Variants in BCAR3 observed in about 807,000 individuals in gnomAD.
The protein encoded by BCAR3 is BCAR3 adaptor protein, NSP family member.
Under a neutral mutation model 80.1 loss-of-function variants are expected in BCAR3, and 37 were observed. That is an observed-to-expected ratio of 0.46 (90% CI 0.36 to 0.61). BCAR3 has a LOEUF of 0.61. Ranked by LOEUF, BCAR3 falls within the 20% of genes least tolerant of loss-of-function variation. The pLI, the probability that BCAR3 is intolerant of heterozygous loss-of-function variation, is 0.00. For missense variants in BCAR3, 978 were observed against 1,068.2 expected (o/e 0.92, Z 1.18); for synonymous variants, 389 against 418.9 (o/e 0.93, Z 0.87).
intron 2 of BCAR3, among the ~76,000 whole-genome samples, chr1:93,706,722 A>G (rs933177150): frequency 2.0e-5 from 3 of 152,274 alleles, no homozygotes; most frequent in African/African-American, 7.2e-5. Flanking sequence ...CCTGGCACAT[A>G]GTAAGTGCTT....
chr1:93,573,379 G>C (rs1209375032), intron 8 of BCAR3, among the ~76,000 whole-genome samples: 1 of 144,904 alleles, frequency 6.9e-6, no homozygotes, highest in Non-Finnish European at 1.5e-5. Flanking sequence ...TGGGTAACTA[G>C]AGAGACTATC....
intron 2 of BCAR3, among the ~76,000 whole-genome samples, chr1:93,764,092 AG>A (rs1652056635): frequency 6.6e-6 from 1 of 152,102 alleles, no homozygotes; most frequent in Admixed American, 6.5e-5. Flanking sequence ...ATCTTAAGGC[AG>A]AACTGAAGGC....
intron 2 of BCAR3, among the ~76,000 whole-genome samples, chr1:93,828,288 G>C (rs188230193): frequency 5.9e-5 from 9 of 152,262 alleles, no homozygotes; most frequent in Non-Finnish European, 1.2e-4. Flanking sequence ...CTGGGCGACA[G>C]AGCAAGACCT....
chr1:93,746,820 G>A (rs1376090602), intron 2 of BCAR3, among the ~76,000 whole-genome samples: 1 of 152,102 alleles, frequency 6.6e-6, no homozygotes, highest in Non-Finnish European at 1.5e-5. Context: ...CCCTGAAAAT[G>A]CTCTCCCACA....
chr1:93,758,032 C>G (rs893731813), intron 2 of BCAR3, among the ~76,000 whole-genome samples: 5 of 152,080 alleles, frequency 3.3e-5, no homozygotes, highest in African/African-American at 9.7e-5. Context: ...AAAGGAGGAG[C>G]CCTTGGTACT....
intron 2 of BCAR3, among the ~76,000 whole-genome samples, chr1:93,790,644 T>C (rs1222913024): frequency 1.0e-5 from 1 of 98,250 alleles, no homozygotes; most frequent in East Asian, 3.9e-4. Flanking sequence ...ATTTTTTTTT[T>C]TTCTTAATTT....
At chr1:93,716,594 G>A (rs1198564205) in intron 2 of BCAR3, among the ~76,000 whole-genome samples, 1 of 152,218 alleles carries the variant, frequency 6.6e-6, no homozygotes, top group Admixed American at 6.5e-5. Context: ...TGAGGGAGCT[G>A]ATCCCCAGAG....
At position 93,798,880 on chromosome 1, in the gene BCAR3, T is replaced by A. The variant is rs531025430; in HGVS notation, c.-63+46687A>T. The stretch of plus-strand genomic sequence containing the variant: ...ATACAGCATACAGACTGTATGCTGT[T>A]CCATACAGTCATGAGGTAATCTCCT... On this transcript the variant is annotated intron_variant, in intron 2 of 13. Transcript: ENST00000370244. Among the ~76,000 whole-genome samples the A allele has an allele frequency of 9.2e-4, 140 of 152,250 alleles. 3 individuals carry two copies. The highest frequency in any genetic ancestry group is 3.2e-3 in the African/African-American group (135 of 41,556).
intron 2 of BCAR3, among the ~76,000 whole-genome samples, chr1:93,801,194 TG>T (rs34639536): frequency 0.14 from 21,515 of 152,216 alleles, 2,476 homozygotes; most frequent in African/African-American, 0.31. Context: ...CATCTTTAGA[TG>T]TTTCTGAGGC....
chr1:93,624,083 G>A (rs1045580730), intron 3 of BCAR3, among the ~76,000 whole-genome samples: 2 of 152,190 alleles, frequency 1.3e-5, no homozygotes, highest in Non-Finnish European at 2.9e-5. Context: ...GGAATGTACT[G>A]TGCCACTGGT....
At chr1:93,731,799 G>A (rs1029134558) in intron 2 of BCAR3, among the ~76,000 whole-genome samples, 4 of 152,154 alleles carry the variant, frequency 2.6e-5, no homozygotes, top group Non-Finnish European at 4.4e-5. Context: ...TCCTTTTCAG[G>A]CATAGTGCCC....
chr1:93,636,172 G>T (rs1283901794), intron 3 of BCAR3, among the ~76,000 whole-genome samples: 1 of 152,140 alleles, frequency 6.6e-6, no homozygotes, highest in African/African-American at 2.4e-5. Flanking sequence ...AATTTTCAGA[G>T]CATTGACCCC....
intron 2 of BCAR3, among the ~76,000 whole-genome samples, chr1:93,788,960 T>A (rs79307599): frequency 6.6e-6 from 1 of 152,042 alleles, no homozygotes; most frequent in African/African-American, 2.4e-5. Context: ...TGTTAAAATA[T>A]TCCCTCCCTT....
At chr1:93,743,078 T>G (rs926907682) in intron 2 of BCAR3, among the ~76,000 whole-genome samples, 1 of 152,230 alleles carries the variant, frequency 6.6e-6, no homozygotes, top group African/African-American at 2.4e-5. Context: ...ATTCTTTATA[T>G]AGGTTAATAA....
chr1:93,704,031 T>C (rs988208349), intron 3 of BCAR3, among the ~76,000 whole-genome samples: 30 of 152,248 alleles, frequency 2.0e-4, no homozygotes, highest in African/African-American at 4.8e-5. Context: ...GAATAGCCAA[T>C]GTGGCTAGTG....
chr1:93,797,929 T>C (rs940085561), intron 2 of BCAR3, among the ~76,000 whole-genome samples: 8 of 152,290 alleles, frequency 5.3e-5, no homozygotes, highest in South Asian at 4.1e-4. Flanking sequence ...GAGCTGGAGG[T>C]AAGTGGATAA....
intron 2 of BCAR3, among the ~76,000 whole-genome samples, chr1:93,731,549 A>T: frequency 6.6e-6 from 1 of 152,130 alleles, no homozygotes; most frequent in East Asian, 1.9e-4. Context: ...GGAAGAAGGT[A>T]CAAGGCCAGG....
At chr1:93,658,087 C>A (rs923682999) in intron 2 of BCAR3, among the ~76,000 whole-genome samples, 4 of 151,948 alleles carry the variant, frequency 2.6e-5, no homozygotes, top group African/African-American at 9.7e-5. Context: ...ATTACAGGTG[C>A]CCACCACCAC....
At chr1:93,695,868 C>T (rs1021061281) in intron 3 of BCAR3, among the ~76,000 whole-genome samples, 1 of 152,160 alleles carries the variant, frequency 6.6e-6, no homozygotes, top group Admixed American at 6.5e-5. Flanking sequence ...CTCTGAGACA[C>T]CGTTTTCTCC....
Sources: allele counts gnomAD v4.1 joint callset (sites outside exome capture counted in the v4.1 genomes callset), GRCh38; gene constraint gnomAD v4.1.1; transcripts MANE v1.5; gene names NCBI Gene and HGNC (gene_info 2026-07-23, HGNC 2026-07-21).